Variants in EPHB1 observed in about 807,000 individuals in gnomAD.
The protein encoded by EPHB1 is ephrin type-B receptor 1.
In EPHB1, 30 loss-of-function variants were observed where a neutral mutation model predicts 94.4. The observed-to-expected ratio is 0.32, with a 90% CI of 0.24 to 0.43. EPHB1 has a LOEUF of 0.43. EPHB1 is among the 20% of genes least tolerant of loss of function. The probability of loss-of-function intolerance (pLI) is 1.00; values close to 1 mark genes in which losing one functional copy is unlikely to be tolerated. For missense variants in EPHB1, 1,055 were observed against 1,308.3 expected (o/e 0.81, Z 2.99); for synonymous variants, 522 against 489.1 (o/e 1.07, Z -0.89).
chr3:135,057,032 C>T (rs904051801), intron 3 of EPHB1, among the ~76,000 whole-genome samples: 1 of 152,146 alleles, frequency 6.6e-6, no homozygotes, highest in Admixed American at 6.5e-5. Flanking sequence ...TCAGTGAACA[C>T]CCCCCTAATA....
chr3:135,125,305 C>T (rs1424997003), intron 4 of EPHB1, among the ~76,000 whole-genome samples: 1 of 151,608 alleles, frequency 6.6e-6, no homozygotes, highest in South Asian at 2.1e-4. Flanking sequence ...ATTATGATGC[C>T]TGACATAGAA....
At chr3:134,851,944 C>T (rs1416216639) in intron 1 of EPHB1, among the ~76,000 whole-genome samples, 1 of 152,186 alleles carries the variant, frequency 6.6e-6, no homozygotes, top group Non-Finnish European at 1.5e-5. Context: ...TAGGATGAAC[C>T]TGAGATCTTA....
intron 6 of EPHB1, among the ~76,000 whole-genome samples, chr3:135,159,770 C>T (rs1425670197): frequency 6.6e-6 from 1 of 152,186 alleles, no homozygotes; most frequent in African/African-American, 2.4e-5. Flanking sequence ...TAACTTTCAA[C>T]TGTGTGTTTG....
chr3:134,883,480 C>T (rs910352860), intron 1 of EPHB1, among the ~76,000 whole-genome samples: 4 of 152,164 alleles, frequency 2.6e-5, no homozygotes, highest in East Asian at 1.9e-4. Flanking sequence ...GGGGAAGATT[C>T]GAGAACTGGA....
rs1933596148 is a variant in EPHB1, at chr3:134,963,172, T to TCCTTCCTC, written c.805+11127_805+11128insCCCTTCCT. 3.6e-5 allele frequency among the ~76,000 whole-genome samples: 5 copies of TCCTTCCTC among 138,680 alleles called. No homozygotes were observed. The South Asian group carries it at 1.1e-3, about 32-fold the overall frequency. The allele number at this position is 138,680 out of a possible 152,430, so 91.0% of individuals were successfully genotyped here. ...TTCCTTCCTTCCTTCCTTCCTTCCTTCCTTCCTTCCTTCTTCCTTCTTCTT... is the reference window on the plus strand; with the variant it reads ...TTCCTTCCTTCCTTCCTTCCTTCCTTCCTTCCTCCCTTCCTTCCTTCTTCCTTCTTCTT... On this transcript the variant is annotated intron_variant, in intron 3 of 15. Transcript: ENST00000398015.
At chr3:134,815,296 G>A (rs370103005) in intron 1 of EPHB1, among the ~76,000 whole-genome samples, 15 of 152,076 alleles carry the variant, frequency 9.9e-5, no homozygotes, top group African/African-American at 3.1e-4. Flanking sequence ...CAAATATTGA[G>A]GAATTAAGGA....
At chr3:135,073,424 C>G (rs1012770046) in intron 3 of EPHB1, among the ~76,000 whole-genome samples, 2 of 152,212 alleles carry the variant, frequency 1.3e-5, no homozygotes, top group Admixed American at 1.3e-4. Context: ...ACCCATCATT[C>G]AGCTTCAACA....
At chr3:134,817,228 C>T (rs993812944) in intron 1 of EPHB1, among the ~76,000 whole-genome samples, 1 of 152,194 alleles carries the variant, frequency 6.6e-6, no homozygotes, top group Non-Finnish European at 1.5e-5. Flanking sequence ...GCCCATTCCC[C>T]TCTCTGTGGC....
intron 15 of EPHB1, among the ~76,000 whole-genome samples, chr3:135,255,775 T>TTGAC (rs1476804249): frequency 3.2e-3 from 479 of 147,846 alleles, no homozygotes; most frequent in African/African-American, 0.011. Context: ...GGTATCCTTG[T>TTGAC]TGACTTTCTG....
chr3:135,234,369 C>T (rs1027389416), intron 12 of EPHB1, among the ~76,000 whole-genome samples: 4 of 148,750 alleles, frequency 2.7e-5, no homozygotes. Flanking sequence ...ACTTCGCTGT[C>T]CATATTCCTA....
At chr3:134,854,017 CA>C (rs1318641827) in intron 1 of EPHB1, among the ~76,000 whole-genome samples, 1 of 152,194 alleles carries the variant, frequency 6.6e-6, no homozygotes, top group Non-Finnish European at 1.5e-5. Context: ...AGCAGGCACA[CA>C]TGTTCTTCTC....
At chr3:134,999,814 T>C (rs771757927) in intron 3 of EPHB1, among the ~76,000 whole-genome samples, 1 of 152,168 alleles carries the variant, frequency 6.6e-6, no homozygotes, top group Non-Finnish European at 1.5e-5. Flanking sequence ...TGTGGTAACA[T>C]TGACTGGCTT....
At chr3:134,810,289 G>GTGTT (rs1382474342) in intron 1 of EPHB1, among the ~76,000 whole-genome samples, 2 of 151,602 alleles carry the variant, frequency 1.3e-5, no homozygotes, top group Non-Finnish European at 2.9e-5. Flanking sequence ...GTGTGTGTGT[G>GTGTT]TGTGTGTGTG....
intron 1 of EPHB1, among the ~76,000 whole-genome samples, chr3:134,826,378 C>G (rs1320449817): frequency 6.6e-6 from 1 of 152,014 alleles, no homozygotes; most frequent in African/African-American, 2.4e-5. Context: ...GCATTGCTGT[C>G]TTTTCTGGTT....
At chr3:135,060,088 T>G (rs1022953227) in intron 3 of EPHB1, among the ~76,000 whole-genome samples, 1 of 152,242 alleles carries the variant, frequency 6.6e-6, no homozygotes, top group Admixed American at 6.5e-5. Context: ...CTTTTTAGTA[T>G]TATCCACAAA....
chr3:134,964,594 G>A (rs1427605925), intron 3 of EPHB1, among the ~76,000 whole-genome samples: 1 of 152,136 alleles, frequency 6.6e-6, no homozygotes, highest in East Asian at 1.9e-4. Flanking sequence ...TGGGAATTAG[G>A]CGATTTCAGG....
chr3:134,851,796 A>T (rs959992139), intron 1 of EPHB1, among the ~76,000 whole-genome samples: 2 of 152,210 alleles, frequency 1.3e-5, no homozygotes, highest in African/African-American at 4.8e-5. Flanking sequence ...GTTGGCTGAA[A>T]ACCATAAAAT....
In EPHB1 at chr3:134,795,315, A is replaced by G; in HGVS notation, c.-317A>G. On this transcript the variant is annotated 5_prime_UTR_variant, in exon 1 of 16. Coordinates refer to ENST00000398015, the MANE Select transcript of EPHB1 (RefSeq NM_004441.5). ...CCGCTGTAGCTAGCAATGTGACACC[A>G]GGACGCACTCGCTCTCGCGCGCTCT... The G allele has an allele frequency of 6.5e-6, 3 of 460,556 alleles. No homozygotes were observed. The highest frequency in any genetic ancestry group is 3.0e-5 in the South Asian group (1 of 32,932). The allele number at this position is 460,556 out of a possible 1,614,324, so 28.5% of individuals were successfully genotyped here.
intron 3 of EPHB1, among the ~76,000 whole-genome samples, chr3:135,092,896 G>A (rs1022354279): frequency 1.3e-5 from 2 of 152,154 alleles, no homozygotes; most frequent in Non-Finnish European, 2.9e-5. Flanking sequence ...CAAAGTCCTG[G>A]GATTACAGGC....
Sources: allele counts gnomAD v4.1 joint callset (sites outside exome capture counted in the v4.1 genomes callset), GRCh38; gene constraint gnomAD v4.1.1; transcripts MANE v1.5; gene names NCBI Gene and HGNC (gene_info 2026-07-23, HGNC 2026-07-21).